The following ARID1A variants were observed in gnomAD, a reference collection of about 807,000 sequenced individuals.
ARID1A encodes AT-rich interaction domain 1A.
Under a neutral mutation model 212.6 loss-of-function variants are expected in ARID1A, and 20 were observed. That is an observed-to-expected ratio of 0.09 (90% confidence interval 0.07 to 0.14). ARID1A has a LOEUF of 0.14. Ranked by LOEUF, ARID1A falls within the 10% of genes least tolerant of loss-of-function variation. The pLI is 1.00. For missense variants in ARID1A, 2,587 were observed against 3,059.0 expected (o/e 0.85, Z 3.64); for synonymous variants, 1,376 against 1,222.1 (o/e 1.13, Z -2.63).
intron 4 of ARID1A, among the ~76,000 whole-genome samples, chr1:26,753,824 G>A (rs1380645594): frequency 1.3e-5 from 2 of 152,236 alleles, no homozygotes; most frequent in African/African-American, 2.4e-5. Flanking sequence ...GAGATGCCAA[G>A]GGCATCCCTC....
chr1:26,781,623 CGTT>C lies in ARID1A; in HGVS notation c.*870_*872del, dbSNP rs1187969128. 8.6e-6 allele frequency: 2 copies of C among 233,594 alleles called. No individual in the cohort carries two copies. The highest frequency in any genetic ancestry group is 4.4e-5 in the African/African-American group (2 of 45,348). 14.5% of individuals were successfully genotyped at this position (233,594 alleles called of 1,614,324 possible). ...CGCTGCCACGTGTGTATATATATGA[CGTT>C]GTACATTGCACATACCCTTGGATCC... On this transcript the variant is annotated 3_prime_UTR_variant, in exon 20 of 20. Transcript: ENST00000324856.
rs2081006142 is a variant in ARID1A, at chr1:26,762,957, C to A, written c.2420-16C>A. 3 of 1,565,456 alleles carry A rather than the reference C, an allele frequency of 1.9e-6. No individual in the cohort carries two copies. The highest frequency in any genetic ancestry group is 1.3e-5 in the African/African-American group (1 of 74,112). On this transcript the variant is annotated splice_polypyrimidine_tract_variant and intron_variant, in intron 7 of 19. Coordinates refer to ENST00000324856, the MANE Select transcript of ARID1A (RefSeq NM_006015.6). ...TAGTGAGTGACTAACCAAGTCTTGT[C>A]TTCCTCCCCTCCCAGGTGGCTACCC...
chr1:26,711,925 C>CA (rs927162307), intron 1 of ARID1A, among the ~76,000 whole-genome samples: 5 of 151,138 alleles, frequency 3.3e-5, no homozygotes, highest in South Asian at 4.2e-4. Flanking sequence ...TCTACAAAAA[C>CA]AAAAAAATCA....
Position 26,780,323 on chromosome 1 carries a change from G to A in ARID1A, c.6425G>A (p.Ser2142Asn), listed in dbSNP as rs1351063353. 1 of 1,614,206 alleles carries A rather than the reference G, an allele frequency of 6.2e-7. No homozygotes were observed. The highest frequency in any genetic ancestry group is 8.5e-7 in the Non-Finnish European group (1 of 1,180,034). Residue 2142 changes from serine to asparagine, a missense_variant, in exon 20 of 20, where the codon AGC becomes AAC. Ser to Asn is a conservative substitution (Grantham distance 46). Around this residue, in one of 11 missense-constraint regions of ARID1A, gnomAD observed 168 missense variants for 321.0 expected, o/e 0.52. Transcript: ENST00000324856. The surrounding 1 kb of genome is among the most constrained non-coding windows in gnomAD (Gnocchi z 7.2). ...VDLILATPPFSRLEKLYSTMV... is the reference protein window; with the variant it reads ...VDLILATPPFNRLEKLYSTMV... ...CTGATTCTGGCCACACCCCCCTTCA[G>A]CCGCCTGGAGAAGTTGTATAGCACT...
chr1:26,708,477 G>A (rs188597050), intron 1 of ARID1A, among the ~76,000 whole-genome samples: 4 of 150,328 alleles, frequency 2.7e-5, no homozygotes. Flanking sequence ...GTAGAGATGG[G>A]GTTTCACTGT....
intron 1 of ARID1A, among the ~76,000 whole-genome samples, chr1:26,714,576 C>G (rs886884973): frequency 6.6e-6 from 1 of 151,958 alleles, no homozygotes; most frequent in Non-Finnish European, 1.5e-5. Flanking sequence ...GTCACCATGC[C>G]GGGCTAATTT....
At chr1:26,705,536 C>CT (rs556967176) in intron 1 of ARID1A, among the ~76,000 whole-genome samples, 1 of 151,576 alleles carries the variant, frequency 6.6e-6, no homozygotes, top group South Asian at 2.1e-4. Context: ...ACCTTTTCCA[C>CT]TTTTTTTGCC....
At position 26,773,006 on chromosome 1, in the gene ARID1A, A is replaced by G. The variant is rs1040799439; in HGVS notation, c.3715+19A>G. ...AGGAAAGGTGACTGATCTGATTGCT[A>G]TTTGAACTTGTGCTCGTAAAGACAG... On this transcript the variant is annotated intron_variant, in intron 14 of 19. Transcript: ENST00000324856. 4 of 1,595,852 alleles carry G rather than the reference A, an allele frequency of 2.5e-6. No individual in the cohort carries two copies. The highest frequency in any genetic ancestry group is 1.1e-5 in the South Asian group (1 of 89,932).
rs1349686896 is a variant in ARID1A, at chr1:26,772,485, T to C, written c.3407-15T>C. ...CATGCCAAGCAAACTACTCAACTTG[T>C]ATCTCTGTCCACAGCGGGATCAGGA... On this transcript the variant is annotated splice_polypyrimidine_tract_variant and intron_variant, in intron 12 of 19. Coordinates refer to ENST00000324856, the MANE Select transcript of ARID1A (RefSeq NM_006015.6). 1 of 1,614,078 alleles carries C rather than the reference T, an allele frequency of 6.2e-7. No individual in the cohort carries two copies. Among genetic ancestry groups the C allele is most frequent in the Non-Finnish European group, 8.5e-7 (1 of 1,180,032 alleles).
Position 26,749,892 on chromosome 1 carries a change from A to G in ARID1A, c.1921-10964A>G, listed in dbSNP as rs188181621. Among the ~76,000 whole-genome samples, 380 of 152,340 alleles carry G rather than the reference A, an allele frequency of 2.5e-3. 6 individuals carry two copies. The highest frequency in any genetic ancestry group is 0.021 in the Admixed American group (328 of 15,302). ...CCTTGTGGAGGTCTAGAATTCAGGT[A>G]CTGGGGTATAGGATGGGGGAATAGA... On this transcript the variant is annotated intron_variant, in intron 4 of 19. Transcript: ENST00000324856.
intron 1 of ARID1A, among the ~76,000 whole-genome samples, chr1:26,697,783 C>T (rs1352538711): frequency 6.6e-6 from 1 of 151,510 alleles, no homozygotes; most frequent in Non-Finnish European, 1.5e-5. Context: ...CTCCCCTGGT[C>T]CCTTCGAACT....
chr1:26,731,819 A>G (rs1255461433), intron 3 of ARID1A, among the ~76,000 whole-genome samples: 1 of 152,238 alleles, frequency 6.6e-6, no homozygotes, highest in East Asian at 1.9e-4. Flanking sequence ...ATGATGAAGA[A>G]ATAGGGCAAT....
chr1:26,728,657 C>T (rs186019587), intron 1 of ARID1A, among the ~76,000 whole-genome samples: 2 of 152,212 alleles, frequency 1.3e-5, no homozygotes, highest in Admixed American at 1.3e-4. Flanking sequence ...CTATTTCACC[C>T]CCAATGTAAG....
intron 1 of ARID1A, among the ~76,000 whole-genome samples, chr1:26,704,363 C>T (rs2080367139): frequency 1.3e-5 from 2 of 152,150 alleles, no homozygotes. Context: ...GTTGGTGAGT[C>T]TGTCTTGGCA....
chr1:26,771,052 CTTGGG>C lies in ARID1A; in HGVS notation c.3199-66_3199-62del. ...ATGAATACCTTACAGCCTGATGGGG[CTTGGG>C]GCTTATGGGCAGGAAAACCAGGCGG... On this transcript the variant is annotated intron_variant, in intron 11 of 19. Coordinates refer to ENST00000324856, the MANE Select transcript of ARID1A (RefSeq NM_006015.6). This position sits in a 1 kb window ranked among gnomAD's most constrained non-coding sequence, Gnocchi z 5.4. 7.0e-7 allele frequency: 1 copy of C among 1,438,134 alleles called. No individual in the cohort carries two copies. The highest frequency in any genetic ancestry group is 9.8e-7 in the Non-Finnish European group (1 of 1,022,346). 89.1% of individuals were successfully genotyped at this position (1,438,134 alleles called of 1,614,324 possible).
At chr1:26,720,509 T>G (rs1046865613) in intron 1 of ARID1A, among the ~76,000 whole-genome samples, 2 of 151,952 alleles carry the variant, frequency 1.3e-5, no homozygotes, top group East Asian at 3.9e-4. Context: ...CTTAATTTAT[T>G]TGATTGTCAG....
At chr1:26,744,619 T>C (rs1268845814) in intron 4 of ARID1A, among the ~76,000 whole-genome samples, 1 of 152,214 alleles carries the variant, frequency 6.6e-6, no homozygotes, top group Admixed American at 6.5e-5. Context: ...CCTGATTCTT[T>C]TGTACCTGGA....
intron 19 of ARID1A, among the ~76,000 whole-genome samples, chr1:26,776,698 C>T (rs539159116): frequency 6.6e-6 from 1 of 152,290 alleles, no homozygotes; most frequent in African/African-American, 2.4e-5. Flanking sequence ...TCTTTAGTAC[C>T]TACCAACCTG....
intron 1 of ARID1A, among the ~76,000 whole-genome samples, chr1:26,705,451 T>TCCCCC (rs61242310): frequency 7.0e-6 from 1 of 143,270 alleles, no homozygotes; most frequent in African/African-American, 2.5e-5. Context: ...TTTTTTTTTT[T>TCCCCC]CCCCCCCCCT....
Sources: allele counts gnomAD v4.1 joint callset (sites outside exome capture counted in the v4.1 genomes callset), GRCh38; gene constraint gnomAD v4.1.1; regional missense constraint gnomAD v4.1.1; non-coding constraint Gnocchi (gnomAD v3.1); transcripts MANE v1.5; gene names NCBI Gene and HGNC (gene_info 2026-07-23, HGNC 2026-07-21).